Variants in UVRAG observed in about 807,000 individuals in gnomAD.
UVRAG encodes the protein UV radiation resistance associated, also known as UV radiation resistance-associated gene protein.
Under a neutral mutation model 78.0 loss-of-function variants are expected in UVRAG, and 19 were observed. The observed-to-expected ratio is 0.24, with a 90% CI of 0.17 to 0.36. UVRAG has a LOEUF of 0.36. Among genes scored for constraint, UVRAG ranks in the 10% least tolerant of loss-of-function variants. The pLI is 1.00. For missense variants in UVRAG, 740 were observed against 853.8 expected (o/e 0.87, Z 1.66); for synonymous variants, 323 against 324.6 (o/e 1.00, Z 0.05).
At chr11:75,906,344 T>TTTTG (rs915005661) in intron 5 of UVRAG, among the ~76,000 whole-genome samples, 8 of 152,064 alleles carry the variant, frequency 5.3e-5, no homozygotes, top group South Asian at 2.1e-4. Context: ...TAGTGGGTTT[T>TTTTG]TTTGTTTGTT....
chr11:76,082,109 T>C (rs1250464534), intron 13 of UVRAG, among the ~76,000 whole-genome samples: 1 of 152,186 alleles, frequency 6.6e-6, no homozygotes, highest in African/African-American at 2.4e-5. Flanking sequence ...TGTGGAAGGC[T>C]TCTGGGGCAC....
At chr11:76,063,400 T>C (rs574475602) in intron 12 of UVRAG, among the ~76,000 whole-genome samples, 19 of 152,318 alleles carry the variant, frequency 1.2e-4, no homozygotes, top group South Asian at 1.2e-3. Flanking sequence ...TTTCTGCAGT[T>C]CTCCCCACTA....
chr11:75,860,486 A>G (rs1442963898), intron 2 of UVRAG, among the ~76,000 whole-genome samples: 1 of 152,358 alleles, frequency 6.6e-6, no homozygotes, highest in Middle Eastern at 3.4e-3. Context: ...ATAAAAAACA[A>G]TAGTTTTAAA....
chr11:75,861,871 C>G, intron 3 of UVRAG, 91 bp downstream of exon 3: 1 of 1,117,522 alleles, frequency 8.9e-7, no homozygotes, highest in Non-Finnish European at 1.3e-6. Context: ...AGGTTCAGCT[C>G]TGGTTTTATG....
At chr11:75,820,336 C>G (rs1945358338) in intron 1 of UVRAG, among the ~76,000 whole-genome samples, 2 of 150,696 alleles carry the variant, frequency 1.3e-5, no homozygotes, top group African/African-American at 4.9e-5. Context: ...CCCATATACT[C>G]TATACCTAGT....
At chr11:75,950,714 A>G (rs1347392564) in intron 6 of UVRAG, among the ~76,000 whole-genome samples, 1 of 152,064 alleles carries the variant, frequency 6.6e-6, no homozygotes, top group Admixed American at 6.6e-5. Flanking sequence ...ATCATTTGGT[A>G]TTGCCAGTTT....
chr11:76,139,254 C>T (rs778534060), intron 14 of UVRAG, among the ~76,000 whole-genome samples: 1 of 152,184 alleles, frequency 6.6e-6, no homozygotes, highest in Non-Finnish European at 1.5e-5. Flanking sequence ...GAGCAGGGAG[C>T]TGGGGCCAGG....
chr11:75,965,868 GCA>G (rs1949012234), intron 7 of UVRAG, among the ~76,000 whole-genome samples: 1 of 152,028 alleles, frequency 6.6e-6, no homozygotes, highest in Non-Finnish European at 1.5e-5. Context: ...AGGAAAGTTT[GCA>G]CAGTTTTATG....
chr11:76,090,973 A>G (rs949238225), intron 13 of UVRAG, among the ~76,000 whole-genome samples: 5 of 152,156 alleles, frequency 3.3e-5, no homozygotes, highest in Non-Finnish European at 7.4e-5. Context: ...TTCTAGATAA[A>G]TCCTCACAAA....
chr11:75,959,249 A>G (rs1206012625), intron 6 of UVRAG, among the ~76,000 whole-genome samples: 1 of 152,214 alleles, frequency 6.6e-6, no homozygotes, highest in African/African-American at 2.4e-5. Flanking sequence ...TAGCTATGAA[A>G]GTCCTAGGTG....
intron 1 of UVRAG, among the ~76,000 whole-genome samples, chr11:75,843,801 A>G (rs1945969451): frequency 6.6e-6 from 1 of 152,066 alleles, no homozygotes; most frequent in African/African-American, 2.4e-5. Flanking sequence ...TATACAAAAG[A>G]TACAAAAATT....
chr11:75,872,997 G>T (rs1488126361), intron 3 of UVRAG, among the ~76,000 whole-genome samples: 1 of 152,132 alleles, frequency 6.6e-6, no homozygotes, highest in African/African-American at 2.4e-5. Context: ...GGGGAAGACA[G>T]GCAAAAAAAT....
In UVRAG at chr11:76,071,284, C is replaced by T. The variant is rs997294950; in HGVS notation, c.1305+5496C>T. Reference sequence around the variant, plus strand: ...ATATGAATGATGACAAGGAACTAGCCATGCAACCAGCTAAGGAACAGAAAG... The same window carrying T: ...ATATGAATGATGACAAGGAACTAGCTATGCAACCAGCTAAGGAACAGAAAG... On this transcript the variant is annotated intron_variant, in intron 13 of 14. Transcript: ENST00000356136. Among the ~76,000 whole-genome samples the T allele has an allele frequency of 2.0e-5, 3 of 152,114 alleles. No individual in the cohort carries two copies. In the East Asian group the frequency reaches 5.8e-4, roughly 29 times the overall value.
At chr11:76,086,573 A>T (rs1473079311) in intron 13 of UVRAG, among the ~76,000 whole-genome samples, 1 of 152,172 alleles carries the variant, frequency 6.6e-6, no homozygotes, top group Non-Finnish European at 1.5e-5. Flanking sequence ...TTTTGCTTTC[A>T]TACTTTTAAA....
intron 6 of UVRAG, among the ~76,000 whole-genome samples, chr11:75,952,609 A>C (rs1489747727): frequency 6.6e-6 from 1 of 152,176 alleles, no homozygotes; most frequent in Non-Finnish European, 1.5e-5. Flanking sequence ...TCAGTTTAAC[A>C]GAATGGTATA....
In UVRAG at chr11:75,815,243, A is replaced by ACGGCGGCAGCGGCGGCAG. The variant is rs770357399; in HGVS notation, c.-157_-140dup. On this transcript the variant is annotated 5_prime_UTR_variant, in exon 1 of 15. Coordinates refer to ENST00000356136, the MANE Select transcript of UVRAG (RefSeq NM_003369.4). ...GGCTCTTCCTTAGCCAGCGGCGGCA[A>ACGGCGGCAGCGGCGGCAG]CGGCGGCAGCGGCGGCAGCGGCGGC... The ACGGCGGCAGCGGCGGCAG allele has an allele frequency of 6.1e-4, 277 of 451,252 alleles. 1 individual carries two copies. Among genetic ancestry groups the ACGGCGGCAGCGGCGGCAG allele is most frequent in the South Asian group, 7.9e-4 (16 of 20,304 alleles). 28.0% of individuals were successfully genotyped at this position (451,252 alleles called of 1,614,324 possible).
chr11:75,992,993 T>G (rs1015509133), intron 8 of UVRAG, among the ~76,000 whole-genome samples: 5 of 152,228 alleles, frequency 3.3e-5, no homozygotes, highest in African/African-American at 1.2e-4. Context: ...ATCTAGGTAC[T>G]TGGTTCTGAG....
At chr11:75,912,453 T>C (rs1212188529) in intron 6 of UVRAG, among the ~76,000 whole-genome samples, 1 of 152,270 alleles carries the variant, frequency 6.6e-6, no homozygotes. Context: ...AAAAGAATTA[T>C]GTTTGGCAAG....
intron 1 of UVRAG, among the ~76,000 whole-genome samples, chr11:75,849,198 T>A (rs970197008): frequency 6.6e-5 from 9 of 136,664 alleles, no homozygotes; most frequent in African/African-American, 2.2e-4. Flanking sequence ...AAAAAAATGT[T>A]GAGATAAAGA....
Sources: gnomAD v4.1 joint callset for allele counts (sites outside exome capture counted in the v4.1 genomes callset) on GRCh38, gnomAD v4.1.1 for gene constraint, MANE v1.5 for transcripts, NCBI Gene and HGNC (gene_info 2026-07-23, HGNC 2026-07-21) for gene names.